Variants in RNPEPL1 observed in about 807,000 individuals in gnomAD.
The protein encoded by RNPEPL1 is aminopeptidase RNPEPL1.
In RNPEPL1, 46 loss-of-function variants were observed where a neutral mutation model predicts 69.0. The observed-to-expected ratio is 0.67, with a 90% CI of 0.53 to 0.85. RNPEPL1 has a LOEUF of 0.85. RNPEPL1 is among the 40% of genes least tolerant of loss of function. The pLI is 0.00. For synonymous variants in RNPEPL1, 525 were observed against 454.1 expected, an observed-to-expected ratio of 1.16 and a Z score of -1.98; for missense variants, 869 against 992.5, an observed-to-expected ratio of 0.88 and a Z score of 1.67.
chr2:240,572,561 A>G lies in RNPEPL1; in HGVS notation c.667A>G (p.Lys223Glu). ...GAAGTGCACCTACTCTGCCGTCGTC[A>G]AGGTCAGGGGCCGCCAGCTGCCGTC... Reference protein sequence around the residue: ...AVKCTYSAVVKAPSGVQVLMS... With the variant: ...AVKCTYSAVVEAPSGVQVLMS... Residue 223 changes from lysine (K) to glutamate (E), a missense_variant and splice_region_variant, in exon 2 of 11, where the codon AAG becomes GAG. This residue lies in a region of RNPEPL1 where 610 missense variants were observed against 790.9 expected (regional missense o/e 0.77). Transcript: ENST00000270357. 6.5e-7 allele frequency: 1 copy of G among 1,536,090 alleles called. No individual in the cohort carries two copies. The highest frequency in any genetic ancestry group is 1.2e-5 in the South Asian group (1 of 84,060).
At position 240,574,245 on chromosome 2, in the gene RNPEPL1, C is replaced by T; in HGVS notation, c.1071C>T (p.His357=). 1 of 1,613,168 alleles carries T rather than the reference C, an allele frequency of 6.2e-7. No individual in the cohort carries two copies. The highest frequency in any genetic ancestry group is 1.3e-5 in the African/African-American group (1 of 75,024). Residue 357 remains histidine, a synonymous_variant, in exon 5 of 11, where the codon CAC becomes CAT. Coordinates refer to ENST00000270357, the MANE Select transcript of RNPEPL1 (RefSeq NM_018226.6). ...LVIDVIHEVA[H]SWFGNAVTNA... is the part of the protein sequence containing the mutation. ...TCGATGTCATCCACGAGGTGGCCCACAGTTGGTTCGGCAACGCTGTCACCA... is the reference window on the plus strand; with the variant it reads ...TCGATGTCATCCACGAGGTGGCCCATAGTTGGTTCGGCAACGCTGTCACCA...
At position 240,578,012 on chromosome 2, in the gene RNPEPL1, T is replaced by TC. The variant is rs1232739787; in HGVS notation, c.*124dup. The TC allele has an allele frequency of 2.0e-6, 2 of 991,864 alleles. No homozygotes were observed. The highest frequency in any genetic ancestry group is 2.8e-6 in the Non-Finnish European group (2 of 720,578). The allele number at this position is 991,864 out of a possible 1,614,324, so 61.4% of individuals were successfully genotyped here. On this transcript the variant is annotated 3_prime_UTR_variant, in exon 11 of 11. Transcript: ENST00000270357. ...AGCTCTGCCCAGGCCCACAAGCCCCTCCCCTGGGCTCTCCCAGGCAGGGAG... is the reference window on the plus strand; with the variant it reads ...AGCTCTGCCCAGGCCCACAAGCCCCTCCCCCTGGGCTCTCCCAGGCAGGGAG...
At chr2:240,572,334 C>G in intron 1 of RNPEPL1, 89 bp from the exon 2 acceptor site, 1 of 1,442,256 alleles carries the variant, frequency 6.9e-7, no homozygotes, top group South Asian at 1.3e-5. Flanking sequence ...CTCCCAGAGC[C>G]TCCTGCCTTC....
chr2:240,570,621 C>T (rs2093018546), intron 1 of RNPEPL1, among the ~76,000 whole-genome samples: 2 of 152,182 alleles, frequency 1.3e-5, no homozygotes, highest in South Asian at 4.1e-4. Flanking sequence ...TGCCAGTGGG[C>T]CCCAGGCCCC....
chr2:240,575,497 C>T lies in RNPEPL1; in HGVS notation c.1402-5C>T. Reference sequence around the variant, plus strand: ...GCCTGCTGAGGCCCCACCTCTGCCACACAGGCCTATGTGGAGAAGTACAAG... The same window carrying T: ...GCCTGCTGAGGCCCCACCTCTGCCATACAGGCCTATGTGGAGAAGTACAAG... On this transcript the variant is annotated splice_region_variant and splice_polypyrimidine_tract_variant and intron_variant, in intron 7 of 10. Transcript: ENST00000270357. The T allele has an allele frequency of 6.2e-7, 1 of 1,612,220 alleles. No individual in the cohort carries two copies. Among genetic ancestry groups the T allele is most frequent in the South Asian group, 1.1e-5 (1 of 91,066 alleles).
In RNPEPL1 at chr2:240,577,674, T is replaced by C; in HGVS notation, c.1960T>C (p.Phe654Leu). 3 of 1,612,820 alleles carry C rather than the reference T, an allele frequency of 1.9e-6. No homozygotes were observed. Among genetic ancestry groups the C allele is most frequent in the Non-Finnish European group, 2.5e-6 (3 of 1,179,666 alleles). ...CCTCAAGTCCTTCGCGCTGGAGGTCTTCTACCAGACGCAGGGCCGGCTGCA... is the reference window on the plus strand; with the variant it reads ...CCTCAAGTCCTTCGCGCTGGAGGTCCTCTACCAGACGCAGGGCCGGCTGCA... ...GALKSFALEV[F>L]YQTQGRLHPN... is the part of the protein sequence containing the mutation. The change falls in exon 11 of 11, where the codon TTC becomes CTC. Residue 654 changes from phenylalanine (F) to leucine (L), a missense_variant. Phe to Leu is a conservative substitution (Grantham distance 22). Transcript: ENST00000270357.
rs2093046102 is a variant in RNPEPL1, at chr2:240,578,897, C to G, written c.*1005C>G. The G allele has an allele frequency of 6.6e-6, 1 of 152,374 alleles. No individual in the cohort carries two copies. The highest frequency in any genetic ancestry group is 6.5e-5 in the Admixed American group (1 of 15,282). The allele number at this position is 152,374 out of a possible 1,614,324, so 9.4% of individuals were successfully genotyped here. A position where few individuals can be genotyped will look rare whatever the true frequency, so the allele number is the denominator to read the frequency against. ...AGGCTCCCCGAATCCTGCCCAGCCC[C>G]TTGGCTGGACCCCCTGGGCCTGAGT... is the stretch of plus-strand genomic sequence containing the variant. On this transcript the variant is annotated 3_prime_UTR_variant, in exon 11 of 11. Coordinates refer to ENST00000270357, the MANE Select transcript of RNPEPL1 (RefSeq NM_018226.6).
chr2:240,575,571 T>C lies in RNPEPL1; in HGVS notation c.1471T>C (p.Phe491Leu). The change falls in exon 8 of 11, where the codon TTC becomes CTC. Residue 491 changes from phenylalanine (F) to leucine (L), a missense_variant. By Grantham distance (22) the Phe-to-Leu change is conservative. Coordinates refer to ENST00000270357, the MANE Select transcript of RNPEPL1 (RefSeq NM_018226.6). ...QDLLDSFLSF[F>L]PELKEQSVDC... ...CCTGCTGGACTCCTTCCTGAGCTTC[T>C]TCCCGGAGCTGAAGGAGCAGAGCGT... 4 of 1,613,430 alleles carry C rather than the reference T, an allele frequency of 2.5e-6. No individual in the cohort carries two copies. Among genetic ancestry groups the C allele is most frequent in the Non-Finnish European group, 2.5e-6 (3 of 1,179,976 alleles).
At position 240,576,515 on chromosome 2, in the gene RNPEPL1, G is replaced by A; in HGVS notation, c.1511-20G>A. 6.3e-7 allele frequency: 1 copy of A among 1,596,874 alleles called. No homozygotes were observed. Among genetic ancestry groups the A allele is most frequent in the Non-Finnish European group, 8.5e-7 (1 of 1,171,470 alleles). ...CTTCCTAGCCTGGGCAGGGACCCCA[G>A]GGTCACTTCTCCCCTCTAGGGCTGG... On this transcript the variant is annotated intron_variant, in intron 8 of 10. Coordinates refer to ENST00000270357, the MANE Select transcript of RNPEPL1 (RefSeq NM_018226.6).
chr2:240,578,358 T>G lies in RNPEPL1; in HGVS notation c.*466T>G. On this transcript the variant is annotated 3_prime_UTR_variant, in exon 11 of 11. Coordinates refer to ENST00000270357, the MANE Select transcript of RNPEPL1 (RefSeq NM_018226.6). ...CAGCCCTGCACCCCGCCCCTGGGGT[T>G]GGCAGCCTCAGTTGGCCCCTGGCAG... The G allele has an allele frequency of 6.5e-6, 1 of 154,424 alleles. No individual in the cohort carries two copies. The highest frequency in any genetic ancestry group is 1.4e-5 in the Non-Finnish European group (1 of 69,550). 9.6% of individuals were successfully genotyped at this position (154,424 alleles called of 1,614,324 possible). A position where few individuals can be genotyped will look rare whatever the true frequency, so the allele number is the denominator to read the frequency against.
rs1575439771 is a variant in RNPEPL1, at chr2:240,577,997, A to G, written c.*105A>G. On this transcript the variant is annotated 3_prime_UTR_variant, in exon 11 of 11. Transcript: ENST00000270357. ...TCGGCTCTGGCCATGAGCTCTGCCC[A>G]GGCCCACAAGCCCCTCCCCTGGGCT... is the stretch of plus-strand genomic sequence containing the variant. The G allele has an allele frequency of 7.6e-6, 9 of 1,184,552 alleles. No individual in the cohort carries two copies. Among genetic ancestry groups the G allele is most frequent in the South Asian group, 2.1e-5 (1 of 46,630 alleles). 73.4% of individuals were successfully genotyped at this position (1,184,552 alleles called of 1,614,324 possible).
chr2:240,578,164 C>G lies in RNPEPL1; in HGVS notation c.*272C>G. The stretch of plus-strand genomic sequence containing the variant: ...ACCATGCCTCCTGTCTCAACACTGA[C>G]AGCTGTGCCTAGCCCCGGATGCCAG... On this transcript the variant is annotated 3_prime_UTR_variant, in exon 11 of 11. Coordinates refer to ENST00000270357, the MANE Select transcript of RNPEPL1 (RefSeq NM_018226.6). 1 of 356,334 alleles carries G rather than the reference C, an allele frequency of 2.8e-6. No individual in the cohort carries two copies. Among genetic ancestry groups the G allele is most frequent in the Non-Finnish European group, 5.1e-6 (1 of 197,460 alleles). The allele number at this position is 356,334 out of a possible 1,614,324, so 22.1% of individuals were successfully genotyped here. A position where few individuals can be genotyped will look rare whatever the true frequency, so the allele number is the denominator to read the frequency against.
In RNPEPL1 at chr2:240,568,830, G is replaced by A; in HGVS notation, c.244G>A (p.Ala82Thr). The change falls in exon 1 of 11, where the codon GCT (alanine) becomes ACT (threonine). Residue 82 changes from alanine to threonine, a missense_variant. Physicochemically the swap from Ala to Thr is moderately conservative, Grantham distance 58 (BLOSUM62 0). Around this residue, in one of 2 missense-constraint regions of RNPEPL1, gnomAD observed 259 missense variants for 201.5 expected, o/e 1.29. Coordinates refer to ENST00000270357, the MANE Select transcript of RNPEPL1 (RefSeq NM_018226.6). This position sits in a 1 kb window ranked among gnomAD's most constrained non-coding sequence, Gnocchi z 6.2. Reference protein sequence around the residue: ...PRALVLDAHPALRLHSAAFRR... With the variant: ...PRALVLDAHPTLRLHSAAFRR... ...CGCGCTCGTGCTCGACGCGCACCCG[G>A]CTCTGCGCCTGCACTCAGCCGCCTT... The A allele has an allele frequency of 8.7e-7, 1 of 1,153,208 alleles. No individual in the cohort carries two copies. The allele number at this position is 1,153,208 out of a possible 1,614,324, so 71.4% of individuals were successfully genotyped here.
At position 240,577,992 on chromosome 2, in the gene RNPEPL1, T is replaced by G; in HGVS notation, c.*100T>G. ...GCGTCTCGGCTCTGGCCATGAGCTC[T>G]GCCCAGGCCCACAAGCCCCTCCCCT... On this transcript the variant is annotated 3_prime_UTR_variant, in exon 11 of 11. Transcript: ENST00000270357. 3.3e-6 allele frequency: 4 copies of G among 1,207,098 alleles called. No individual in the cohort carries two copies. The highest frequency in any genetic ancestry group is 4.4e-6 in the Non-Finnish European group (4 of 904,610). The allele number at this position is 1,207,098 out of a possible 1,614,324, so 74.8% of individuals were successfully genotyped here.
Position 240,578,017 on chromosome 2 carries a change from T to G in RNPEPL1, c.*125T>G. 2 of 967,710 alleles carry G rather than the reference T, an allele frequency of 2.1e-6. No homozygotes were observed. The highest frequency in any genetic ancestry group is 2.9e-5 in the East Asian group (1 of 34,712). 59.9% of individuals were successfully genotyped at this position (967,710 alleles called of 1,614,324 possible). On this transcript the variant is annotated 3_prime_UTR_variant, in exon 11 of 11. Coordinates refer to ENST00000270357, the MANE Select transcript of RNPEPL1 (RefSeq NM_018226.6). ...TGCCCAGGCCCACAAGCCCCTCCCCTGGGCTCTCCCAGGCAGGGAGAATGG... is the reference window on the plus strand; with the variant it reads ...TGCCCAGGCCCACAAGCCCCTCCCCGGGGCTCTCCCAGGCAGGGAGAATGG...
chr2:240,577,085 C>A (rs988006560), intron 10 of RNPEPL1, 95 bp downstream of exon 10: 37 of 1,495,524 alleles, frequency 2.5e-5, no homozygotes, highest in Non-Finnish European at 3.1e-5. Context: ...TTGGGGCAGG[C>A]CAGGCACATT....
At chr2:240,569,250 A>C (rs1432521444) in intron 1 of RNPEPL1, 136 bp downstream of exon 1, 2 of 957,142 alleles carry the variant, frequency 2.1e-6, no homozygotes, top group African/African-American at 2.3e-5. Flanking sequence ...GGTGATTCCC[A>C]GCTGTTGCCT....
intron 5 of RNPEPL1, 79 bp downstream of exon 5, chr2:240,574,427 CT>C: frequency 5.8e-6 from 9 of 1,542,018 alleles, no homozygotes; most frequent in Non-Finnish European, 8.0e-6. Context: ...CCTGGCCCCC[CT>C]GCCATGCTGC....
chr2:240,576,219 C>T, intron 8 of RNPEPL1: 1 of 446,020 alleles, frequency 2.2e-6, no homozygotes, highest in Non-Finnish European at 4.0e-6. Context: ...GTTCATGGCG[C>T]AGGTGGCCTC....
Sources: allele counts gnomAD v4.1 joint callset (sites outside exome capture counted in the v4.1 genomes callset), GRCh38; gene constraint gnomAD v4.1.1; regional missense constraint gnomAD v4.1.1; non-coding constraint Gnocchi (gnomAD v3.1); transcripts MANE v1.5; gene names NCBI Gene and HGNC (gene_info 2026-07-23, HGNC 2026-07-21).